Variants in MMP26 observed in about 807,000 individuals in gnomAD.
MMP26 encodes matrix metalloproteinase-26.
MMP26 carries 33 observed loss-of-function variants against 31.0 expected under a neutral mutation model. That is an observed-to-expected ratio of 1.06 (90% CI 0.81 to 1.42). The LOEUF is 1.42. Ranked by LOEUF, MMP26 falls within the 40% of genes most tolerant of loss-of-function variation. The pLI, the probability that MMP26 is intolerant of heterozygous loss-of-function variation, is 0.00. For missense variants in MMP26, 347 were observed against 316.1 expected, an observed-to-expected ratio of 1.10 and a Z score of -0.74; for synonymous variants, 122 against 114.9, an observed-to-expected ratio of 1.06 and a Z score of -0.40.
intron 2 of MMP26, chr11:4,848,374 T>G: frequency 2.5e-6 from 4 of 1,614,032 alleles, no homozygotes; most frequent in Non-Finnish European, 3.4e-6. Context: ...AGAGTATGGG[T>G]ATGCTGAGTG....
intron 1 of MMP26, among the ~76,000 whole-genome samples, chr11:4,762,672 A>G (rs541801502): frequency 9.2e-5 from 14 of 152,322 alleles, no homozygotes; most frequent in Middle Eastern, 3.4e-3. Context: ...AAGTTTGTTC[A>G]GTAGAACTTA....
chr11:4,817,608 A>G (rs1350152508), intron 2 of MMP26, among the ~76,000 whole-genome samples: 1 of 152,220 alleles, frequency 6.6e-6, no homozygotes, highest in East Asian at 1.9e-4. Context: ...CAAACAAACA[A>G]AAATCTACAA....
chr11:4,804,172 G>A, intron 2 of MMP26: 7 of 1,614,150 alleles, frequency 4.3e-6, no homozygotes, highest in Non-Finnish European at 5.9e-6. Flanking sequence ...GTCAGTGATG[G>A]CCAGCATGGC....
rs1383510017 is a variant in MMP26, at chr11:4,744,971, AAT to A, written c.-216-22295_-216-22294del. Among the ~76,000 whole-genome samples the A allele has an allele frequency of 2.0e-5, 3 of 152,206 alleles. No individual in the cohort carries two copies. The East Asian group carries it at 5.8e-4, about 29-fold the overall frequency. ...AGACAGTATGCAATACAATATAATT[AAT>A]ATAGTCTCCATGCTATACATCAGAT... On this transcript the variant is annotated intron_variant, in intron 1 of 7. Transcript: ENST00000380390.
intron 2 of MMP26, among the ~76,000 whole-genome samples, chr11:4,774,450 C>T (rs1048503707): frequency 6.6e-6 from 1 of 152,066 alleles, no homozygotes; most frequent in Non-Finnish European, 1.5e-5. Flanking sequence ...TGTTTATGCC[C>T]TTTGCCCACT....
rs1011318688 is a variant in MMP26, at chr11:4,707,906, C to T, written c.-217+2861C>T. Among the ~76,000 whole-genome samples, 24 of 152,170 alleles carry T rather than the reference C, an allele frequency of 1.6e-4. No homozygotes were observed. The Middle Eastern group carries it at 0.01, about 65-fold the overall frequency. On this transcript the variant is annotated intron_variant, in intron 1 of 7. Coordinates refer to ENST00000380390, the MANE Select transcript of MMP26 (RefSeq NM_021801.5). The stretch of plus-strand genomic sequence containing the variant: ...ATATTTTCCTGGGAGTCATTTTTGC[C>T]TTAGTGGCCATGTCTCCTCAGTTTC...
At chr11:4,769,252 T>C (rs12792898) in intron 2 of MMP26, 181,124 of 1,612,142 alleles carry the variant, frequency 0.11, 11,600 homozygotes, top group Middle Eastern at 0.13. Flanking sequence ...AGTGAATAAT[T>C]AAGATATATG....
intron 2 of MMP26, among the ~76,000 whole-genome samples, chr11:4,774,216 A>G (rs1848762444): frequency 3.3e-5 from 5 of 152,122 alleles, no homozygotes; most frequent in Admixed American, 2.6e-4. Context: ...CCATCTTCCA[A>G]AATGGTTGAA....
chr11:4,921,572 T>C (rs1851185135), intron 2 of MMP26, among the ~76,000 whole-genome samples: 1 of 152,208 alleles, frequency 6.6e-6, no homozygotes, highest in Non-Finnish European at 1.5e-5. Flanking sequence ...CTGTATGGTT[T>C]CACTTGTGTG....
In MMP26 at chr11:4,988,083, C is replaced by G; in HGVS notation, c.-129C>G. The G allele has an allele frequency of 1.3e-6, 1 of 790,602 alleles. No individual in the cohort carries two copies. Among genetic ancestry groups the G allele is most frequent in the Non-Finnish European group, 2.2e-6 (1 of 445,972 alleles). 49.0% of individuals were successfully genotyped at this position (790,602 alleles called of 1,614,324 possible). A position where few individuals can be genotyped will look rare whatever the true frequency, so the allele number is the denominator to read the frequency against. ...CCCTCAGCAGGTATGGATGATGACGCCACTCACAGATTCAAAGAAAGGGCA... is the reference window on the plus strand; with the variant it reads ...CCCTCAGCAGGTATGGATGATGACGGCACTCACAGATTCAAAGAAAGGGCA... On this transcript the variant is annotated 5_prime_UTR_variant, in exon 3 of 8. Coordinates refer to ENST00000380390, the MANE Select transcript of MMP26 (RefSeq NM_021801.5).
At chr11:4,815,833 G>A (rs1033925127) in intron 2 of MMP26, among the ~76,000 whole-genome samples, 1 of 152,188 alleles carries the variant, frequency 6.6e-6, no homozygotes, top group South Asian at 2.1e-4. Context: ...TCAGACAGGA[G>A]TGATGTCAGA....
intron 2 of MMP26, among the ~76,000 whole-genome samples, chr11:4,868,920 TACA>T (rs951342340): frequency 6.6e-6 from 1 of 152,118 alleles, no homozygotes; most frequent in Non-Finnish European, 1.5e-5. Flanking sequence ...ACCACACATC[TACA>T]ACCATCTGAT....
At chr11:4,789,941 A>G (rs192629605) in intron 2 of MMP26, among the ~76,000 whole-genome samples, 60 of 152,308 alleles carry the variant, frequency 3.9e-4, no homozygotes, top group Non-Finnish European at 4.0e-4. Flanking sequence ...ATAACAATAT[A>G]GATAAGAAGA....
chr11:4,938,307 G>A (rs1846157361), intron 2 of MMP26: 1 of 152,140 alleles, frequency 6.6e-6, no homozygotes, highest in Non-Finnish European at 1.5e-5. Flanking sequence ...CACATAGGAA[G>A]ATGCTTTACT....
intron 1 of MMP26, chr11:4,752,717 G>A (rs1297433132): frequency 6.6e-6 from 1 of 152,308 alleles, no homozygotes; most frequent in Non-Finnish European, 1.5e-5. Context: ...CCCGAGCATT[G>A]AGCCAGAATA....
At chr11:4,908,160 C>T (rs1410025497) in intron 2 of MMP26, 3 of 1,614,042 alleles carry the variant, frequency 1.9e-6, no homozygotes, top group African/African-American at 1.3e-5. Flanking sequence ...CATCACTTTG[C>T]CAAGCACAAA....
intron 2 of MMP26, among the ~76,000 whole-genome samples, chr11:4,963,600 C>T (rs766965758): frequency 1.3e-5 from 2 of 152,152 alleles, no homozygotes; most frequent in African/African-American, 2.4e-5. Flanking sequence ...ACCTTCTGAT[C>T]TTTGTCCTTG....
At chr11:4,983,086 C>T (rs1049098853) in intron 2 of MMP26, among the ~76,000 whole-genome samples, 8 of 152,304 alleles carry the variant, frequency 5.3e-5, no homozygotes, top group African/African-American at 1.9e-4. Flanking sequence ...TCTTAATAGC[C>T]TTTGCACACC....
intron 2 of MMP26, among the ~76,000 whole-genome samples, chr11:4,855,251 A>G (rs1850033520): frequency 1.3e-5 from 2 of 152,208 alleles, no homozygotes; most frequent in South Asian, 4.1e-4. Context: ...GCCTCAGAAG[A>G]TCAGTAATAA....
Sources: gnomAD v4.1 joint callset for allele counts (sites outside exome capture counted in the v4.1 genomes callset) on GRCh38, gnomAD v4.1.1 for gene constraint, MANE v1.5 for transcripts, NCBI Gene and HGNC (gene_info 2026-07-23, HGNC 2026-07-21) for gene names.